NBPF12: variants seen among roughly 807,000 people sequenced by gnomAD.
NBPF12 encodes NBPF family member NBPF12.
A neutral mutation model predicts 146.4 loss-of-function variants in NBPF12; 115 were observed. That is an observed-to-expected ratio of 0.79 (90% CI 0.68 to 0.92). NBPF12 has a LOEUF of 0.92. NBPF12 is among the 40% of genes least tolerant of loss of function. NBPF12 has a pLI of 0.00. For synonymous variants in NBPF12, 385 were observed against 508.9 expected (o/e 0.76, Z 3.28); for missense variants, 1,205 against 1,326.8 (o/e 0.91, Z 1.43).
intron 10 of NBPF12, among the ~76,000 whole-genome samples, chr1:146,969,033 G>A (rs1196084137): frequency 1.1e-4 from 16 of 151,596 alleles, no homozygotes; most frequent in Non-Finnish European, 2.1e-4. Context: ...GTGTCTAGTG[G>A]CCGCAAGATG....
At chr1:146,967,232 G>GCA in intron 9 of NBPF12, among the ~76,000 whole-genome samples, 1 of 150,430 alleles carries the variant, frequency 6.6e-6, no homozygotes, top group African/African-American at 2.5e-5. Flanking sequence ...GCCGTGCATG[G>GCA]TGGCTCACTC....
At position 146,962,157 on chromosome 1, in the gene NBPF12, T is replaced by G; in HGVS notation, c.176-4T>G. 6.2e-7 allele frequency: 1 copy of G among 1,608,772 alleles called. No individual in the cohort carries two copies. Among genetic ancestry groups the G allele is most frequent in the South Asian group, 1.1e-5 (1 of 90,966 alleles). On this transcript the variant is annotated splice_polypyrimidine_tract_variant and splice_region_variant and intron_variant, in intron 4 of 33. Transcript: ENST00000617844. The stretch of plus-strand genomic sequence containing the variant: ...TGAGGCAGGCGTGTCTGTCTTTTTC[T>G]CAGAGTATGAAGAGTGTAAAGACCT...
At chr1:146,940,354 A>T (rs1654742904) in intron 1 of NBPF12, among the ~76,000 whole-genome samples, 1 of 151,968 alleles carries the variant, frequency 6.6e-6, no homozygotes, top group Non-Finnish European at 1.5e-5. Flanking sequence ...CTGTAATTCC[A>T]GCATTTCGGG....
At chr1:146,974,393 C>T (rs1553887050) in intron 14 of NBPF12, among the ~76,000 whole-genome samples, 2 of 138,644 alleles carry the variant, frequency 1.4e-5, no homozygotes, top group East Asian at 4.3e-4. Flanking sequence ...ACTTCATGCC[C>T]CAGTGCAGTG....
chr1:146,975,291 T>C (rs1240606305), intron 15 of NBPF12, among the ~76,000 whole-genome samples: 3 of 128,898 alleles, frequency 2.3e-5, no homozygotes, highest in East Asian at 2.7e-4. Context: ...CCTATCTGCA[T>C]CTGGCCTCAT....
Position 146,986,426 on chromosome 1 carries a change from CT to C in NBPF12, c.2968del (p.Ser990GlnfsTer9). On this transcript the variant is annotated frameshift_variant, in exon 24 of 34. Transcript: ENST00000617844. LOFTEE classifies it high-confidence loss of function. ...TCACTGGATAGATGTTATTCGACTC[CT>C]TCAGGTTATCTTGAACTGCCTGACT... is the stretch of plus-strand genomic sequence containing the variant. 1.4e-6 allele frequency: 1 copy of C among 716,508 alleles called. No individual in the cohort carries two copies. The highest frequency in any genetic ancestry group is 2.1e-5 in the Admixed American group (1 of 47,980). The allele number at this position is 716,508 out of a possible 1,614,324, so 44.4% of individuals were successfully genotyped here.
intron 16 of NBPF12, among the ~76,000 whole-genome samples, chr1:146,976,185 T>TA (rs2101890908): frequency 6.6e-6 from 1 of 151,468 alleles, no homozygotes; most frequent in Non-Finnish European, 1.5e-5. Context: ...GCAGGCTTGT[T>TA]AGAGTGAAAA....
intron 2 of NBPF12, among the ~76,000 whole-genome samples, chr1:146,954,444 TACAC>T (rs1655471996): frequency 3.0e-5 from 3 of 99,018 alleles, no homozygotes; most frequent in Non-Finnish European, 6.7e-5. Flanking sequence ...GTAAGGCCAG[TACAC>T]CAAAAACTAC....
intron 19 of NBPF12, among the ~76,000 whole-genome samples, chr1:146,981,215 G>A (rs1420456493): frequency 2.2e-5 from 3 of 135,126 alleles, no homozygotes; most frequent in African/African-American, 8.3e-5. Flanking sequence ...CACCAATGTG[G>A]ACATGTATAC....
Position 146,984,802 on chromosome 1 carries a change from C to G in NBPF12, c.2667-11C>G. 1 of 1,176,260 alleles carries G rather than the reference C, an allele frequency of 8.5e-7. No individual in the cohort carries two copies. The highest frequency in any genetic ancestry group is 1.8e-5 in the African/African-American group (1 of 55,938). 72.9% of individuals were successfully genotyped at this position (1,176,260 alleles called of 1,614,324 possible). ...CCCTGGCTTATTCTTTACTTTTTCC[C>G]ACTTTTCCAGGCTCAGCAGGGAGCT... On this transcript the variant is annotated splice_polypyrimidine_tract_variant and intron_variant, in intron 21 of 33. Coordinates refer to ENST00000617844, the Ensembl canonical transcript of NBPF12.
intron 5 of NBPF12, 139 bp downstream of exon 8, chr1:146,962,402 T>C (rs1309347310): frequency 2.8e-6 from 2 of 704,584 alleles, no homozygotes; most frequent in Non-Finnish European, 5.0e-6. Context: ...GACACACAAA[T>C]ATTTATCAGA....
rs1316621387 is a variant in NBPF12 at position 146,960,570 on chromosome 1, A to G, written c.175+252A>G. ...ACAGTTACTGATTTCTGACACAGGC[A>G]CAGAATGACCTGTTTTCTCCAAGAG... On this transcript the variant is annotated intron_variant, in intron 4 of 33. Coordinates refer to ENST00000617844, the Ensembl canonical transcript of NBPF12. 5.9e-5 allele frequency among the ~76,000 whole-genome samples: 9 copies of G among 152,154 alleles called. No individual in the cohort carries two copies. The East Asian group carries it at 1.7e-3, about 29-fold the overall frequency.
intron 1 of NBPF12, among the ~76,000 whole-genome samples, chr1:146,942,510 A>G (rs1482366100): frequency 1.3e-5 from 2 of 151,688 alleles, no homozygotes; most frequent in Non-Finnish European, 2.9e-5. Flanking sequence ...CAGATATTGA[A>G]TAAATATTTG....
chr1:146,969,726 C>G (rs1443162723), intron 11 of NBPF12, 130 bp downstream of exon 14: 34 of 1,533,822 alleles, frequency 2.2e-5, no homozygotes, highest in Middle Eastern at 2.3e-4. Flanking sequence ...CATGACATGA[C>G]CAGGACTTCC....
exon 22 of NBPF12, chr1:146,984,831 G>T (rs1487440135): frequency 2.0e-6 from 3 of 1,534,680 alleles, no homozygotes; most frequent in African/African-American, 1.4e-5. Context: ...GGGAGCTGCT[G>T]GCTGAGAAAG....
At chr1:146,954,384 T>C (rs1655461972) in intron 2 of NBPF12, among the ~76,000 whole-genome samples, 1 of 51,894 alleles carries the variant, frequency 1.9e-5, no homozygotes, top group Non-Finnish European at 3.8e-5. Context: ...AGCAAGACTC[T>C]GTCTCAAAAA....
In NBPF12 at chr1:146,969,826, G is replaced by A. The variant is rs1309257857; in HGVS notation, c.1306+230G>A. Among the ~76,000 whole-genome samples the A allele has an allele frequency of 4.0e-5, 6 of 151,338 alleles. No individual in the cohort carries two copies. In the East Asian group the frequency reaches 1.2e-3, roughly 29 times the overall value. ...TCCTTGATGGAAGGTGGTCTTTGGA[G>A]CAAGAGGCAGCATCTATCTAGTTTT... On this transcript the variant is annotated intron_variant, in intron 11 of 33. Transcript: ENST00000617844.
intron 17 of NBPF12, among the ~76,000 whole-genome samples, chr1:146,977,206 G>T (rs1657098956): frequency 7.2e-6 from 1 of 139,244 alleles, no homozygotes; most frequent in African/African-American, 2.8e-5. Context: ...ACCGTACAGG[G>T]ATAGCTGAGT....
At chr1:146,966,696 C>T in intron 9 of NBPF12, 23 bp downstream of exon 12, 1 of 1,217,872 alleles carries the variant, frequency 8.2e-7, no homozygotes, top group Non-Finnish European at 1.2e-6. Context: ...GGCTCACCAT[C>T]ACGAAAGTGA....
Sources: gnomAD v4.1 joint callset for allele counts (sites outside exome capture counted in the v4.1 genomes callset) on GRCh38, gnomAD v4.1.1 for gene constraint, MANE v1.5 for transcripts, NCBI Gene and HGNC (gene_info 2026-07-23, HGNC 2026-07-21) for gene names.